DAB1: variants seen among roughly 807,000 people sequenced by gnomAD.
DAB1 encodes the protein DAB adaptor protein 1, also known as disabled homolog 1.
Under a neutral mutation model 64.6 loss-of-function variants are expected in DAB1, and 15 were observed. The observed-to-expected ratio is 0.23, with a 90% CI of 0.16 to 0.36. The LOEUF is 0.36. Ranked by LOEUF, DAB1 falls within the 10% of genes least tolerant of loss-of-function variation. DAB1 has a pLI of 1.00. For missense variants in DAB1, 596 were observed against 706.7 expected (o/e 0.84, Z 1.78); for synonymous variants, 235 against 251.9 (o/e 0.93, Z 0.64).
chr1:57,560,227 T>C (rs1042109059), intron 7 of DAB1, among the ~76,000 whole-genome samples: 1 of 152,264 alleles, frequency 6.6e-6, no homozygotes, highest in Non-Finnish European at 1.5e-5. Flanking sequence ...TCTCCGGCTT[T>C]GTGTCATAAT....
At chr1:57,315,942 A>G (rs1340773973) in intron 1 of DAB1, among the ~76,000 whole-genome samples, 3 of 152,254 alleles carry the variant, frequency 2.0e-5, no homozygotes, top group East Asian at 1.9e-4. Context: ...TTAAGTGTCT[A>G]CAATATGGCA....
At chr1:57,396,502 G>A (rs1682819024) in intron 1 of DAB1, among the ~76,000 whole-genome samples, 1 of 152,186 alleles carries the variant, frequency 6.6e-6, no homozygotes, top group African/African-American at 2.4e-5. Context: ...TTGAATGGCT[G>A]ACGGCAAAAG....
chr1:57,777,566 T>G (rs903275187), intron 6 of DAB1, among the ~76,000 whole-genome samples: 1 of 151,956 alleles, frequency 6.6e-6, no homozygotes, highest in Admixed American at 6.6e-5. Flanking sequence ...GCTGTTAAAA[T>G]TTTCCAGTGA....
chr1:57,581,789 G>T (rs949457544), intron 7 of DAB1, among the ~76,000 whole-genome samples: 2 of 151,376 alleles, frequency 1.3e-5, no homozygotes, highest in African/African-American at 4.8e-5. Flanking sequence ...TTTGAAAATA[G>T]AACACATGGC....
intron 2 of DAB1, among the ~76,000 whole-genome samples, chr1:57,205,272 C>T (rs560237323): frequency 3.9e-5 from 6 of 152,272 alleles, no homozygotes; most frequent in African/African-American, 1.4e-4. Context: ...AAGTCCTACC[C>T]CAGCAGTAAT....
intron 7 of DAB1, among the ~76,000 whole-genome samples, chr1:57,532,863 C>T (rs1021991981): frequency 6.6e-6 from 1 of 152,158 alleles, no homozygotes; most frequent in East Asian, 1.9e-4. Context: ...TTATTAAATG[C>T]TTACTATGTA....
At chr1:57,188,149 A>G (rs1056579629) in intron 2 of DAB1, among the ~76,000 whole-genome samples, 1 of 152,186 alleles carries the variant, frequency 6.6e-6, no homozygotes, top group Non-Finnish European at 1.5e-5. Flanking sequence ...TTCTCGAGTC[A>G]CTGATTAATG....
chr1:57,350,615 A>G (rs545087138), intron 1 of DAB1, among the ~76,000 whole-genome samples: 1 of 152,214 alleles, frequency 6.6e-6, no homozygotes, highest in African/African-American at 2.4e-5. Context: ...GGCTGACCCA[A>G]TCAAAAGCAT....
chr1:58,483,950 G>A (rs1645532355), intron 3 of DAB1, among the ~76,000 whole-genome samples: 1 of 152,226 alleles, frequency 6.6e-6, no homozygotes, highest in Non-Finnish European at 1.5e-5. Context: ...GGAGAGTATG[G>A]AGTCCAGCAG....
intron 7 of DAB1, among the ~76,000 whole-genome samples, chr1:57,512,286 G>C (rs895909997): frequency 1.3e-5 from 2 of 152,122 alleles, no homozygotes; most frequent in African/African-American, 4.8e-5. Context: ...CCAGGATCTA[G>C]CATCCTACTA....
Position 58,524,245 on chromosome 1 carries a change from C to T in DAB1, n.107+3016G>A, listed in dbSNP as rs115693799. On this transcript the variant is annotated intron_variant and non_coding_transcript_variant, in intron 2 of 20. Transcript: ENST00000485760. Reference sequence around the variant, plus strand: ...TTTCATCTGCATTAAAAACCTGTTCCGGCAGCTATTCTTTCTCCTTAACGA... The same window carrying T: ...TTTCATCTGCATTAAAAACCTGTTCTGGCAGCTATTCTTTCTCCTTAACGA... 1.1e-3 allele frequency among the ~76,000 whole-genome samples: 162 copies of T among 152,232 alleles called. 1 individual carries two copies. The highest frequency in any genetic ancestry group is 3.4e-3 in the African/African-American group (143 of 41,562).
At position 58,492,728 on chromosome 1, in the gene DAB1, T is replaced by C. The variant is rs531190636; in HGVS notation, n.257+13332A>G. ...AAGACTAAACCAGGAAGAAGTTGAA[T>C]CTCTGAAGAGACCAATAACAGGATC... On this transcript the variant is annotated intron_variant and non_coding_transcript_variant, in intron 3 of 20. Transcript: ENST00000485760. 3.9e-5 allele frequency among the ~76,000 whole-genome samples: 6 copies of C among 152,248 alleles called. No individual in the cohort carries two copies. In the East Asian group the frequency reaches 5.8e-4, roughly 15 times the overall value.
intron 7 of DAB1, among the ~76,000 whole-genome samples, chr1:57,491,376 C>CG (rs1297632855): frequency 1.3e-5 from 2 of 151,830 alleles, no homozygotes; most frequent in African/African-American, 4.8e-5. Context: ...TGCAGTGAGC[C>CG]GAGATTGCGC....
At chr1:57,106,029 T>C (rs1655107404) in intron 4 of DAB1, among the ~76,000 whole-genome samples, 1 of 152,170 alleles carries the variant, frequency 6.6e-6, no homozygotes. Context: ...GGGATCCCGA[T>C]CTGTCAAATG....
In DAB1 at chr1:58,135,179, T is replaced by A. The variant is rs549227502; in HGVS notation, n.387+15332A>T. The stretch of plus-strand genomic sequence containing the variant: ...ACAGCTCTGAAAACTTAGAAGCTTG[T>A]CAGTCATTATGATCTCTCTAAAGCA... On this transcript the variant is annotated intron_variant and non_coding_transcript_variant, in intron 5 of 20. Transcript: ENST00000485760. 1.3e-4 allele frequency among the ~76,000 whole-genome samples: 20 copies of A among 152,324 alleles called. No homozygotes were observed. In the East Asian group the frequency reaches 3.3e-3, roughly 25 times the overall value.
intron 7 of DAB1, among the ~76,000 whole-genome samples, chr1:57,628,875 G>C (rs1645954499): frequency 6.6e-6 from 1 of 152,104 alleles, no homozygotes; most frequent in Admixed American, 6.6e-5. Flanking sequence ...CTTTGTATTT[G>C]GAGATTTTCA....
At chr1:57,005,349 A>T (rs996657225) in intron 14 of DAB1, among the ~76,000 whole-genome samples, 4 of 152,218 alleles carry the variant, frequency 2.6e-5, no homozygotes, top group Non-Finnish European at 5.9e-5. Context: ...ATAAGCAGGA[A>T]GGCCTTTTCT....
chr1:57,442,797 G>T (rs888328608), intron 7 of DAB1, among the ~76,000 whole-genome samples: 21 of 152,194 alleles, frequency 1.4e-4, no homozygotes, highest in African/African-American at 5.1e-4. Context: ...GTGTATCAAT[G>T]GAAACTATTT....
At chr1:57,997,662 T>G (rs1279183776) in intron 5 of DAB1, among the ~76,000 whole-genome samples, 1 of 152,004 alleles carries the variant, frequency 6.6e-6, no homozygotes, top group Non-Finnish European at 1.5e-5. Context: ...ATTGCTGAAC[T>G]GGGGGTGAAG....
Sources: gnomAD v4.1 joint callset for allele counts (sites outside exome capture counted in the v4.1 genomes callset) on GRCh38, gnomAD v4.1.1 for gene constraint, MANE v1.5 for transcripts, NCBI Gene and HGNC (gene_info 2026-07-23, HGNC 2026-07-21) for gene names.